Variants in SPAST observed in about 807,000 individuals in gnomAD.
SPAST encodes spastin.
In SPAST, 30 loss-of-function variants were observed where a neutral mutation model predicts 76.6. That is an observed-to-expected ratio of 0.39 (90% CI 0.29 to 0.53). The LOEUF is 0.53. Ranked by LOEUF, SPAST falls within the 20% of genes least tolerant of loss-of-function variation. The pLI is 0.68. For missense variants in SPAST, 717 were observed against 770.5 expected (o/e 0.93, Z 0.82); for synonymous variants, 305 against 281.0 (o/e 1.09, Z -0.86).
chr2:32,151,802 C>T (rs191377287), intron 16 of SPAST, among the ~76,000 whole-genome samples: 8 of 151,426 alleles, frequency 5.3e-5, no homozygotes, highest in Admixed American at 3.3e-4. Context: ...CCCAGCTGCT[C>T]GGGAGGCTGA....
At chr2:32,140,228 C>A (rs1679671769) in intron 12 of SPAST, among the ~76,000 whole-genome samples, 1 of 152,106 alleles carries the variant, frequency 6.6e-6, no homozygotes, top group Admixed American at 6.5e-5. Context: ...TCTGCTATAT[C>A]TTTTGTAACT....
chr2:32,119,505 A>C (rs1678947986), intron 7 of SPAST, among the ~76,000 whole-genome samples: 1 of 152,184 alleles, frequency 6.6e-6, no homozygotes, highest in African/African-American at 2.4e-5. Flanking sequence ...AATACTAAAG[A>C]TACTCACTTG....
intron 1 of SPAST, among the ~76,000 whole-genome samples, chr2:32,085,205 C>CTTTTTTTTTT (rs11399879): frequency 1.0e-4 from 12 of 119,778 alleles, no homozygotes; most frequent in Non-Finnish European, 1.4e-4. Flanking sequence ...TCTTCTTCTT[C>CTTTTTTTTTT]TTTTTTTTTT....
intron 3 of SPAST, among the ~76,000 whole-genome samples, chr2:32,093,309 T>C (rs1677795426): frequency 4.4e-5 from 2 of 45,760 alleles, no homozygotes; most frequent in African/African-American, 8.0e-5. Flanking sequence ...AGACTCCGTC[T>C]CAAAAAAAAA....
At chr2:32,145,118 G>A (rs529235158) in intron 15 of SPAST, 111 bp downstream of exon 15, 2 of 739,026 alleles carry the variant, frequency 2.7e-6, no homozygotes, top group South Asian at 3.1e-5. Context: ...TGGAGACAGG[G>A]TCTCACTCTG....
Position 32,110,094 on chromosome 2 carries a change from AGTTTTTTTTGTTTTTTTTTTTT to A in SPAST, c.683-4524_683-4503del, listed in dbSNP as rs1192028097. Among the ~76,000 whole-genome samples the A allele has an allele frequency of 4.5e-5, 6 of 131,960 alleles. No homozygotes were observed. The South Asian group carries it at 8.4e-4, about 18-fold the overall frequency. The allele number at this position is 131,960 out of a possible 152,430, so 86.6% of individuals were successfully genotyped here. ...TTTGTATATGTGTGTATACATATAT[AGTTTTTTTTGTTTTTTTTTTTT>A]GTTTTTTTTGTTTTTTTTTGGAGAT... On this transcript the variant is annotated intron_variant, in intron 4 of 16. Transcript: ENST00000315285.
chr2:32,079,026 A>G (rs946302890), intron 1 of SPAST, among the ~76,000 whole-genome samples: 4 of 151,992 alleles, frequency 2.6e-5, no homozygotes, highest in African/African-American at 9.7e-5. Context: ...ATTTTGGTAG[A>G]GATGGGGTTT....
chr2:32,099,197 G>A (rs535629053), intron 4 of SPAST, among the ~76,000 whole-genome samples: 5 of 151,988 alleles, frequency 3.3e-5, no homozygotes, highest in African/African-American at 1.2e-4. Context: ...TGGCTTTTGT[G>A]TTTTTATATG....
chr2:32,120,026 C>CTTTTTTTT (rs1334920064), intron 7 of SPAST, among the ~76,000 whole-genome samples: 1 of 143,686 alleles, frequency 7.0e-6, no homozygotes, highest in African/African-American at 2.5e-5. Context: ...TTCTTTCTTT[C>CTTTTTTTT]TTTTTTTTTT....
intron 4 of SPAST, among the ~76,000 whole-genome samples, chr2:32,103,950 T>G (rs914854866): frequency 2.6e-5 from 4 of 152,194 alleles, no homozygotes; most frequent in African/African-American, 9.7e-5. Flanking sequence ...TCTGTTGATT[T>G]GGGGTTTAGA....
intron 1 of SPAST, among the ~76,000 whole-genome samples, chr2:32,074,632 A>G (rs879553125): frequency 1.1e-4 from 17 of 151,622 alleles, no homozygotes; most frequent in South Asian, 6.2e-4. Flanking sequence ...TCAGCCTCCC[A>G]ACTAGCTGGA....
At chr2:32,066,672 A>G (rs1273127071) in intron 1 of SPAST, among the ~76,000 whole-genome samples, 1 of 151,920 alleles carries the variant, frequency 6.6e-6, no homozygotes, top group Non-Finnish European at 1.5e-5. Flanking sequence ...CGTCTTGAAA[A>G]AAAAAAGTAG....
chr2:32,111,318 A>G lies in SPAST; in HGVS notation c.683-3320A>G, dbSNP rs899310044. Among the ~76,000 whole-genome samples the G allele has an allele frequency of 2.8e-5, 4 of 143,950 alleles. 1 individual carries two copies. The highest frequency in any genetic ancestry group is 1.0e-4 in the African/African-American group (4 of 39,648). 94.4% of individuals were successfully genotyped at this position (143,950 alleles called of 152,430 possible). A position where few individuals can be genotyped will look rare whatever the true frequency, so the allele number is the denominator to read the frequency against. On this transcript the variant is annotated intron_variant, in intron 4 of 16. Coordinates refer to ENST00000315285, the MANE Select transcript of SPAST (RefSeq NM_014946.4). ...ATAGCGTATATATACAGTATACTGT[A>G]TAGTGTGTATAGCGTATATATACAG... is the stretch of plus-strand genomic sequence containing the variant.
At chr2:32,121,075 C>T (rs896880080) in intron 7 of SPAST, among the ~76,000 whole-genome samples, 11 of 152,036 alleles carry the variant, frequency 7.2e-5, no homozygotes, top group Non-Finnish European at 1.2e-4. Context: ...TTATTCTTAT[C>T]TTCTGATATT....
chr2:32,101,170 G>A (rs1165133055), intron 4 of SPAST, among the ~76,000 whole-genome samples: 1 of 152,128 alleles, frequency 6.6e-6, no homozygotes, highest in African/African-American at 2.4e-5. Flanking sequence ...GTGTGAGACG[G>A]TATCTCATTG....
At chr2:32,098,572 A>G (rs906221343) in intron 3 of SPAST, among the ~76,000 whole-genome samples, 1 of 152,184 alleles carries the variant, frequency 6.6e-6, no homozygotes, top group African/African-American at 2.4e-5. Context: ...AATAAGGCCT[A>G]TTTTTAACAT....
At chr2:32,084,191 A>C (rs1677376909) in intron 1 of SPAST, among the ~76,000 whole-genome samples, 1 of 151,750 alleles carries the variant, frequency 6.6e-6, no homozygotes, top group African/African-American at 2.4e-5. Context: ...TGTTTTTTTG[A>C]GACAGAGTCT....
chr2:32,108,207 AAAT>A (rs1345190294), intron 4 of SPAST, among the ~76,000 whole-genome samples: 2 of 152,200 alleles, frequency 1.3e-5, no homozygotes, highest in Non-Finnish European at 2.9e-5. Context: ...TAGACAATAA[AAAT>A]AATATTCTAA....
chr2:32,112,944 T>G (rs1678672632), intron 4 of SPAST, among the ~76,000 whole-genome samples: 4 of 152,100 alleles, frequency 2.6e-5, no homozygotes, highest in Admixed American at 2.0e-4. Flanking sequence ...AAATATTATT[T>G]AGGAGTGGTG....
Sources: allele counts gnomAD v4.1 joint callset (sites outside exome capture counted in the v4.1 genomes callset), GRCh38; gene constraint gnomAD v4.1.1; transcripts MANE v1.5; gene names NCBI Gene and HGNC (gene_info 2026-07-23, HGNC 2026-07-21).